The following CNTNAP3B variants were observed in gnomAD, a reference collection of about 807,000 sequenced individuals.
The protein encoded by CNTNAP3B is contactin associated protein family member 3B, also known as contactin-associated protein-like 3B.
Under a neutral mutation model 108.9 loss-of-function variants are expected in CNTNAP3B, and 25 were observed. That is an observed-to-expected ratio of 0.23 (90% CI 0.17 to 0.32). The LOEUF is 0.32. Among genes scored for constraint, CNTNAP3B ranks in the 10% least tolerant of loss-of-function variants. The pLI is 1.00. For missense variants in CNTNAP3B, 252 were observed against 1,210.4 expected (o/e 0.21, Z 11.75); for synonymous variants, 103 against 473.4 (o/e 0.22, Z 10.16).
At chr9:41,963,937 T>C (rs1206743248) in intron 11 of CNTNAP3B, among the ~76,000 whole-genome samples, 3 of 151,992 alleles carry the variant, frequency 2.0e-5, no homozygotes, top group Non-Finnish European at 2.9e-5. Flanking sequence ...CTCAATACAT[T>C]AATACTTTTA....
At chr9:42,122,600 T>C (rs1828487290) in intron 1 of CNTNAP3B, among the ~76,000 whole-genome samples, 1 of 136,438 alleles carries the variant, frequency 7.3e-6, no homozygotes, top group Non-Finnish European at 1.6e-5. Flanking sequence ...CATTACTTTT[T>C]CTACCAATCT....
At chr9:41,945,464 T>C (rs1824504210) in intron 13 of CNTNAP3B, among the ~76,000 whole-genome samples, 1 of 152,310 alleles carries the variant, frequency 6.6e-6, no homozygotes, top group African/African-American at 2.4e-5. Context: ...ATGTCCTTTG[T>C]AGGGCCATGG....
intron 18 of CNTNAP3B, among the ~76,000 whole-genome samples, chr9:41,915,746 T>A (rs1156592867): frequency 3.0e-5 from 1 of 33,878 alleles, no homozygotes; most frequent in Non-Finnish European, 5.9e-5. Context: ...ATAATCATGT[T>A]TTTTTTTCCC....
intron 13 of CNTNAP3B, among the ~76,000 whole-genome samples, chr9:41,945,675 T>C (rs2118110946): frequency 6.6e-6 from 1 of 152,302 alleles, no homozygotes; most frequent in East Asian, 1.9e-4. Flanking sequence ...AAATGATGAG[T>C]TAATGGGTGC....
chr9:42,124,966 T>C (rs1828536349), intron 1 of CNTNAP3B, among the ~76,000 whole-genome samples: 1 of 136,784 alleles, frequency 7.3e-6, no homozygotes, highest in Admixed American at 7.3e-5. Context: ...TTGGTCCATG[T>C]TTCCTTTAAA....
In CNTNAP3B at chr9:42,129,247, T is replaced by G. The variant is rs1422311985; in HGVS notation, c.-153A>C. On this transcript the variant is annotated 5_prime_UTR_variant, in exon 1 of 24. Coordinates refer to ENST00000377561, the MANE Select transcript of CNTNAP3B (RefSeq NM_001201380.3). ...GTCTCTAGCTCTCTTCCTCACGCAC[T>G]GGCAGCCTCCCTCGGCGCTGCAGAC... The G allele has an allele frequency of 8.6e-7, 1 of 1,164,968 alleles. No homozygotes were observed. The highest frequency in any genetic ancestry group is 2.1e-5 in the African/African-American group (1 of 48,378). 72.2% of individuals were successfully genotyped at this position (1,164,968 alleles called of 1,614,324 possible).
At chr9:42,085,954 T>C (rs534629731) in intron 2 of CNTNAP3B, among the ~76,000 whole-genome samples, 1 of 144,506 alleles carries the variant, frequency 6.9e-6, no homozygotes, top group East Asian at 2.0e-4. Context: ...ATCCATTCAG[T>C]GGCTGATGGA....
chr9:42,115,480 A>G (rs1475975294), intron 1 of CNTNAP3B, among the ~76,000 whole-genome samples: 1 of 139,520 alleles, frequency 7.2e-6, no homozygotes, highest in Non-Finnish European at 1.5e-5. Flanking sequence ...GCTGACTGAC[A>G]CCGCATACAG....
chr9:41,981,892 C>CAAT (rs1554746914), intron 9 of CNTNAP3B, among the ~76,000 whole-genome samples: 1,099 of 33,384 alleles, frequency 0.033, 70 homozygotes, highest in Middle Eastern at 0.044. Flanking sequence ...TCTCTACAAA[C>CAAT]AATAATAATA....
chr9:41,963,179 C>G (rs1340434242), intron 11 of CNTNAP3B, among the ~76,000 whole-genome samples: 1 of 152,296 alleles, frequency 6.6e-6, no homozygotes, highest in East Asian at 1.9e-4. Flanking sequence ...TGCCTTTCTC[C>G]TGTGGCTTTT....
At chr9:41,917,394 C>G (rs1292567939) in intron 18 of CNTNAP3B, among the ~76,000 whole-genome samples, 1 of 140,688 alleles carries the variant, frequency 7.1e-6, no homozygotes. Flanking sequence ...CTAGCTTAAA[C>G]TGATCCATGC....
chr9:41,952,190 C>A (rs1004631235), intron 13 of CNTNAP3B, among the ~76,000 whole-genome samples: 6 of 152,230 alleles, frequency 3.9e-5, no homozygotes, highest in East Asian at 1.9e-4. Flanking sequence ...GACAGTCATA[C>A]ACCACTTTCC....
Position 41,993,463 on chromosome 9 carries a change from C to G in CNTNAP3B, c.1072-1592G>C, listed in dbSNP as rs1443724800. The G allele has an allele frequency of 7.3e-5, 8 of 109,762 alleles. No homozygotes were observed. In the South Asian group the frequency reaches 1.6e-3, roughly 23 times the overall value. The allele number at this position is 109,762 out of a possible 1,614,324, so 6.8% of individuals were successfully genotyped here. A position where few individuals can be genotyped will look rare whatever the true frequency, so the allele number is the denominator to read the frequency against. Reference sequence around the variant, plus strand: ...TTGTAATTCTGCTAAACGGAAAACACTTTTCATGACAAGAAAACATTTGCA... The same window carrying G: ...TTGTAATTCTGCTAAACGGAAAACAGTTTTCATGACAAGAAAACATTTGCA... On this transcript the variant is annotated intron_variant, in intron 7 of 23. Transcript: ENST00000377561.
At chr9:41,949,967 G>A (rs1336483267) in intron 13 of CNTNAP3B, among the ~76,000 whole-genome samples, 11 of 151,956 alleles carry the variant, frequency 7.2e-5, no homozygotes, top group African/African-American at 1.5e-4. Flanking sequence ...AAAAATATTC[G>A]CAAATCACAT....
At chr9:41,943,351 T>A (rs1023136382) in intron 13 of CNTNAP3B, among the ~76,000 whole-genome samples, 1 of 3,642 alleles carries the variant, frequency 2.7e-4, no homozygotes, top group African/African-American at 2.1e-3. Context: ...AATAATTTTT[T>A]TTTTTTTTTT....
chr9:41,952,698 CATT>C (rs1279783468), intron 13 of CNTNAP3B, among the ~76,000 whole-genome samples: 7 of 150,552 alleles, frequency 4.6e-5, no homozygotes, highest in Admixed American at 1.3e-4. Context: ...TAACCCTAGT[CATT>C]ATTTCATCCT....
At chr9:41,918,090 G>T (rs1326898914) in intron 18 of CNTNAP3B, among the ~76,000 whole-genome samples, 1 of 152,024 alleles carries the variant, frequency 6.6e-6, no homozygotes, top group Non-Finnish European at 1.5e-5. Flanking sequence ...ATGAGAGAGG[G>T]TTTACAGAGC....
At chr9:41,958,339 G>A (rs1460967765) in intron 12 of CNTNAP3B, among the ~76,000 whole-genome samples, 2 of 152,420 alleles carry the variant, frequency 1.3e-5, no homozygotes, top group Non-Finnish European at 2.9e-5. Context: ...CAGAGGTGGG[G>A]GTCTCACTGT....
At chr9:41,977,650 C>G (rs1313546471) in intron 9 of CNTNAP3B, among the ~76,000 whole-genome samples, 1 of 129,892 alleles carries the variant, frequency 7.7e-6, no homozygotes, top group Non-Finnish European at 1.6e-5. Context: ...CGGCGTCTCA[C>G]TCTGTCACCC....
Sources: allele counts gnomAD v4.1 joint callset (sites outside exome capture counted in the v4.1 genomes callset), GRCh38; gene constraint gnomAD v4.1.1; transcripts MANE v1.5; gene names NCBI Gene and HGNC (gene_info 2026-07-23, HGNC 2026-07-21).